Variants in SPATA20 observed in about 807,000 individuals in gnomAD.
SPATA20 encodes spermatogenesis associated 20.
SPATA20 carries 74 observed loss-of-function variants against 98.9 expected under a neutral mutation model. That is an observed-to-expected ratio of 0.75 (90% CI 0.62 to 0.91). SPATA20 has a LOEUF of 0.91. SPATA20 is among the 40% of genes least tolerant of loss of function. The pLI is 0.00. For missense variants in SPATA20, 1,016 were observed against 1,069.8 expected (o/e 0.95, Z 0.70); for synonymous variants, 430 against 440.5 (o/e 0.98, Z 0.30).
At chr17:50,550,342 G>A (rs765881123) in intron 9 of SPATA20, 30 bp downstream of exon 9, 2 of 1,528,724 alleles carry the variant, frequency 1.3e-6, no homozygotes, top group Non-Finnish European at 1.8e-6. Flanking sequence ...CAGAGAACAG[G>A]CATCTCACTC....
At position 50,547,295 on chromosome 17, in the gene SPATA20, G is replaced by T; in HGVS notation, c.77+10G>T. 7.2e-7 allele frequency: 1 copy of T among 1,379,436 alleles called. No individual in the cohort carries two copies. Among genetic ancestry groups the T allele is most frequent in the Non-Finnish European group, 9.3e-7 (1 of 1,074,076 alleles). 85.4% of individuals were successfully genotyped at this position (1,379,436 alleles called of 1,614,324 possible). On this transcript the variant is annotated intron_variant, in intron 1 of 16. Coordinates refer to ENST00000006658, the MANE Select transcript of SPATA20 (RefSeq NM_022827.4). The stretch of plus-strand genomic sequence containing the variant: ...TCGCCGCGAGCCGCAGGTACGGGCG[G>T]GCGAGCGGGCCCCTAGGGCACTCCC...
Position 50,547,225 on chromosome 17 carries a change from C to A in SPATA20, c.17C>A (p.Ala6Asp), listed in dbSNP as rs781535060. The A allele has an allele frequency of 7.1e-6, 10 of 1,416,734 alleles. No homozygotes were observed. The South Asian group carries it at 1.5e-4, about 21-fold the overall frequency. 87.8% of individuals were successfully genotyped at this position (1,416,734 alleles called of 1,614,324 possible). Residue 6 changes from alanine (A) to aspartate (D), a missense_variant, in exon 1 of 17, where the codon GCC becomes GAC. Ala to Asp is a moderately radical substitution (Grantham distance 126, BLOSUM62 -2). Coordinates refer to ENST00000006658, the MANE Select transcript of SPATA20 (RefSeq NM_022827.4). Reference protein sequence around the residue: MLGARAWLGRVLLLPR... With the variant: MLGARDWLGRVLLLPR... ...CGAGCAGCCATGCTGGGCGCGCGGG[C>A]CTGGTTGGGCCGCGTCCTTCTGCTG...
In SPATA20 at chr17:50,554,560, T is replaced by G. The variant is rs2035068622; in HGVS notation, c.2157+110T>G. The G allele has an allele frequency of 2.6e-6, 3 of 1,132,902 alleles. No individual in the cohort carries two copies. The East Asian group carries it at 7.1e-5, about 27-fold the overall frequency. 70.2% of individuals were successfully genotyped at this position (1,132,902 alleles called of 1,614,324 possible). ...TCCTGGGCTGTCCCCAGAGCTCAGG[T>G]CTGTGTGTGTGCAGGCACGTGGCCT... On this transcript the variant is annotated intron_variant, in intron 15 of 16. Transcript: ENST00000006658.
intron 16 of SPATA20, 55 bp from the exon 17 acceptor site, chr17:50,555,437 T>C: frequency 1.2e-6 from 2 of 1,607,576 alleles, no homozygotes; most frequent in Non-Finnish European, 1.7e-6. Context: ...GCCTTTCTAA[T>C]GGGCAGGTGA....
intron 1 of SPATA20, 150 bp from the exon 2 acceptor site, chr17:50,547,570 C>T (rs1000475131): frequency 2.8e-6 from 2 of 711,176 alleles, no homozygotes; most frequent in South Asian, 1.5e-5. Flanking sequence ...CTTCCTTGCA[C>T]CCCAGTGCTG....
At chr17:50,550,488 C>T (rs1443972363) in intron 9 of SPATA20, 48 bp from the exon 10 acceptor site, 1 of 1,562,406 alleles carries the variant, frequency 6.4e-7, no homozygotes, top group East Asian at 2.2e-5. Context: ...CCACCTGGGC[C>T]TCCCCAGTGA....
chr17:50,549,890 T>TCCCAG, intron 7 of SPATA20, 95 bp from the exon 8 acceptor site: 1 of 1,388,720 alleles, frequency 7.2e-7, no homozygotes, highest in East Asian at 2.3e-5. Context: ...TTGAGTGAAC[T>TCCCAG]CCCAGCCTCT....
At position 50,555,706 on chromosome 17, in the gene SPATA20, A is replaced by G. The variant is rs1454025142; in HGVS notation, c.*44A>G. On this transcript the variant is annotated 3_prime_UTR_variant, in exon 17 of 17. Transcript: ENST00000006658. ...GGTGGGGCAGAAGGTGAAGCATCCCAACTGACTAGAGACTCAGGCCCTGCA... is the reference window on the plus strand; with the variant it reads ...GGTGGGGCAGAAGGTGAAGCATCCCGACTGACTAGAGACTCAGGCCCTGCA... The G allele has an allele frequency of 6.4e-7, 1 of 1,567,344 alleles. No homozygotes were observed. The highest frequency in any genetic ancestry group is 8.7e-7 in the Non-Finnish European group (1 of 1,151,274).
At position 50,555,583 on chromosome 17, in the gene SPATA20, C is replaced by G. The variant is rs753189327; in HGVS notation, c.2330C>G (p.Thr777Ser). 2 of 1,614,110 alleles carry G rather than the reference C, an allele frequency of 1.2e-6. No individual in the cohort carries two copies. Among genetic ancestry groups the G allele is most frequent in the Non-Finnish European group, 1.7e-6 (2 of 1,180,010 alleles). ...STLRRLEDQA[T>S]AYVCENQACS... ...CTCCGACGGTTGGAAGACCAGGCCA[C>G]TGCATATGTGTGTGAGAATCAAGCC... Residue 777 changes from threonine (T) to serine (S), a missense_variant, in exon 17 of 17, where the codon ACT becomes AGT. By Grantham distance (58) the Thr-to-Ser change is moderately conservative. Coordinates refer to ENST00000006658, the MANE Select transcript of SPATA20 (RefSeq NM_022827.4).
intron 7 of SPATA20, 89 bp from the exon 8 acceptor site, chr17:50,549,896 C>T: frequency 1.4e-6 from 2 of 1,422,802 alleles, no homozygotes; most frequent in Non-Finnish European, 1.9e-6. Flanking sequence ...GAACTCCCAG[C>T]CTCTGCCTGG....
rs1170342280 is a variant in SPATA20, at chr17:50,549,970, T to G, written c.863-15T>G. The stretch of plus-strand genomic sequence containing the variant: ...TTCCCATTCTCTCACCTGCATGTTC[T>G]TGGTGCCCCCACAGTGATCCTGAGC... On this transcript the variant is annotated splice_polypyrimidine_tract_variant and intron_variant, in intron 7 of 16. Coordinates refer to ENST00000006658, the MANE Select transcript of SPATA20 (RefSeq NM_022827.4). 2 of 1,528,686 alleles carry G rather than the reference T, an allele frequency of 1.3e-6. No homozygotes were observed. Among genetic ancestry groups the G allele is most frequent in the Non-Finnish European group, 1.8e-6 (2 of 1,133,760 alleles). The allele number at this position is 1,528,686 out of a possible 1,614,324, so 94.7% of individuals were successfully genotyped here.
Position 50,548,434 on chromosome 17 carries a change from G to A in SPATA20, c.277G>A (p.Ala93Thr). The change falls in exon 3 of 17, where the codon GCC becomes ACC. Residue 93 changes from alanine (A) to threonine (T), a missense_variant. Physicochemically the swap from Ala to Thr is moderately conservative, Grantham distance 58. Coordinates refer to ENST00000006658, the MANE Select transcript of SPATA20 (RefSeq NM_022827.4). Reference protein sequence around the residue: ...HEKSPYLLQHAYNPVDWYPWG... With the variant: ...HEKSPYLLQHTYNPVDWYPWG... ...GAAGTCACCATACCTCCTACAACATGCCTACAATCCTGTGGACTGGTGAGC... is the reference window on the plus strand; with the variant it reads ...GAAGTCACCATACCTCCTACAACATACCTACAATCCTGTGGACTGGTGAGC... 1 of 1,613,960 alleles carries A rather than the reference G, an allele frequency of 6.2e-7. No individual in the cohort carries two copies. The highest frequency in any genetic ancestry group is 8.5e-7 in the Non-Finnish European group (1 of 1,179,942).
At chr17:50,549,625 G>A (rs572299112) in intron 7 of SPATA20, 138 bp downstream of exon 7, 29 of 848,438 alleles carry the variant, frequency 3.4e-5, no homozygotes, top group East Asian at 5.3e-5. Context: ...CTAGCCTGTC[G>A]GTAGCTATCG....
chr17:50,548,334 GC>G lies in SPATA20; in HGVS notation c.180del (p.Met61CysfsTer21), dbSNP rs767640578. 4.0e-5 allele frequency: 64 copies of G among 1,613,776 alleles called. No individual in the cohort carries two copies. Among genetic ancestry groups the G allele is most frequent in the Non-Finnish European group, 5.4e-5 (64 of 1,179,978 alleles). On this transcript the variant is annotated frameshift_variant, in exon 3 of 17. Coordinates refer to ENST00000006658, the MANE Select transcript of SPATA20 (RefSeq NM_022827.4). LOFTEE classifies it high-confidence loss of function. ...GAAGTGCGACGGTCAGTAGTTCAGTGCCCATGCCTGCTGGAGGGAAAGGAAG... is the reference window on the plus strand; with the variant it reads ...GAAGTGCGACGGTCAGTAGTTCAGTGCCATGCCTGCTGGAGGGAAAGGAAG... Reference protein sequence around the residue: ...DRSATVSSSVPMPAGGKGSHP... With the variant: ...DRSATVSSSVXMPAGGKGSHP...
Position 50,550,700 on chromosome 17 carries a change from C to T in SPATA20, c.1174-8C>T, listed in dbSNP as rs768363169. 3.7e-5 allele frequency: 60 copies of T among 1,613,086 alleles called. No individual in the cohort carries two copies. Among genetic ancestry groups the T allele is most frequent in the Non-Finnish European group, 5.0e-5 (59 of 1,179,752 alleles). On this transcript the variant is annotated splice_polypyrimidine_tract_variant and splice_region_variant and intron_variant, in intron 10 of 16. Transcript: ENST00000006658. ...GGCCGGGGCCAGCCAACTCTCCCCTCCCCACAGTCCGGAGGCTTCTATAGC... is the reference window on the plus strand; with the variant it reads ...GGCCGGGGCCAGCCAACTCTCCCCTTCCCACAGTCCGGAGGCTTCTATAGC...
At chr17:50,547,819 C>T in intron 2 of SPATA20, 52 bp downstream of exon 2, 1 of 835,402 alleles carries the variant, frequency 1.2e-6, no homozygotes, top group Middle Eastern at 2.2e-4. Flanking sequence ...GTTTGTCCCT[C>T]ACCTGGTCGA....
Position 50,549,986 on chromosome 17 carries a change from G to A in SPATA20, c.864G>A (p.Val288=). 6.5e-7 allele frequency: 1 copy of A among 1,543,452 alleles called. No homozygotes were observed. The highest frequency in any genetic ancestry group is 2.3e-5 in the East Asian group (1 of 43,994). The change falls in exon 8 of 17, where the codon GTG becomes GTA. Residue 288 remains valine, a splice_region_variant and synonymous_variant. Coordinates refer to ENST00000006658, the MANE Select transcript of SPATA20 (RefSeq NM_022827.4). The part of the protein sequence containing the change: ...FAEAPKFPTP[V]ILSFLFSYWL... Reference sequence around the variant, plus strand: ...TGCATGTTCTTGGTGCCCCCACAGTGATCCTGAGCTTCCTGTTCTCCTACT... The same window carrying A: ...TGCATGTTCTTGGTGCCCCCACAGTAATCCTGAGCTTCCTGTTCTCCTACT...
At position 50,554,396 on chromosome 17, in the gene SPATA20, G is replaced by A. The variant is rs752893910; in HGVS notation, c.2103G>A (p.Val701=). Residue 701 remains valine (V), a synonymous_variant, in exon 15 of 17, where the codon GTG becomes GTA. Transcript: ENST00000006658. ...AFSERMRRVP[V]ALPEMVRALS... is the part of the protein sequence containing the mutation. ...CCGAGCGCATGCGTCGTGTCCCGGT[G>A]GCGTTGCCCGAGATGGTCCGCGCCC... The A allele has an allele frequency of 3.3e-5, 53 of 1,613,776 alleles. No individual in the cohort carries two copies. Among genetic ancestry groups the A allele is most frequent in the Non-Finnish European group, 4.4e-5 (52 of 1,180,032 alleles).
chr17:50,549,858 C>T (rs1022390092), intron 7 of SPATA20, 127 bp from the exon 8 acceptor site: 11 of 1,085,358 alleles, frequency 1.0e-5, no homozygotes, highest in Admixed American at 2.3e-5. Context: ...CTTGACCTCA[C>T]AGCCTGTCCA....
Sources: allele counts gnomAD v4.1 joint callset, GRCh38; gene constraint gnomAD v4.1.1; transcripts MANE v1.5; gene names NCBI Gene and HGNC (gene_info 2026-07-23, HGNC 2026-07-21).